Variants in TSPAN13 observed in about 807,000 individuals in gnomAD.
TSPAN13 encodes the protein tetraspanin-13.
TSPAN13 carries 18 observed loss-of-function variants against 26.9 expected under a neutral mutation model. The observed-to-expected ratio is 0.67, with a 90% CI of 0.46 to 0.99. The LOEUF is 0.99. Among genes scored for constraint, TSPAN13 ranks in the 50% least tolerant of loss-of-function variants. The probability of loss-of-function intolerance (pLI) is 0.00; values close to 1 mark genes in which losing one functional copy is unlikely to be tolerated. For synonymous variants in TSPAN13, 116 were observed against 98.4 expected, an observed-to-expected ratio of 1.18 and a Z score of -1.06; for missense variants, 201 against 249.6, an observed-to-expected ratio of 0.81 and a Z score of 1.31.
At chr7:16,775,932 GT>G (rs1784737703) in intron 1 of TSPAN13, 3 of 313,360 alleles carry the variant, frequency 9.6e-6, no homozygotes, top group Non-Finnish European at 1.7e-5. Context: ...TAGGCTCTTA[GT>G]AAACAGATGA....
At chr7:16,777,525 A>G (rs1309078469) in intron 3 of TSPAN13, among the ~76,000 whole-genome samples, 1 of 152,198 alleles carries the variant, frequency 6.6e-6, no homozygotes, top group African/African-American at 2.4e-5. Context: ...TGCCTTGTTA[A>G]CACTCCGAGA....
chr7:16,774,484 G>A (rs1784717185), intron 1 of TSPAN13, among the ~76,000 whole-genome samples: 1 of 152,180 alleles, frequency 6.6e-6, no homozygotes, highest in Non-Finnish European at 1.5e-5. Flanking sequence ...TACAGCTCCT[G>A]AAGGGAAATG....
chr7:16,755,548 T>G (rs998036660), intron 1 of TSPAN13, among the ~76,000 whole-genome samples: 2 of 151,686 alleles, frequency 1.3e-5, no homozygotes, highest in Non-Finnish European at 2.9e-5. Flanking sequence ...AGGGTTTTTT[T>G]TTTTTTTTTT....
chr7:16,776,473 G>A, intron 2 of TSPAN13, 95 bp downstream of exon 2: 1 of 1,176,624 alleles, frequency 8.5e-7, no homozygotes, highest in Non-Finnish European at 1.2e-6. Flanking sequence ...TTGCCAGAAA[G>A]CAACTCCAAG....
chr7:16,774,887 C>T (rs1191787507), intron 1 of TSPAN13, among the ~76,000 whole-genome samples: 1 of 152,156 alleles, frequency 6.6e-6, no homozygotes, highest in East Asian at 1.9e-4. Context: ...TACAAATAGA[C>T]ACTCATGTAG....
intron 5 of TSPAN13, among the ~76,000 whole-genome samples, chr7:16,781,182 C>A (rs1201175097): frequency 6.6e-6 from 1 of 152,052 alleles, no homozygotes. Context: ...TGAGAAACTA[C>A]AAAAAATTAT....
chr7:16,773,949 T>C (rs974862573), intron 1 of TSPAN13, among the ~76,000 whole-genome samples: 1 of 152,214 alleles, frequency 6.6e-6, no homozygotes, highest in Non-Finnish European at 1.5e-5. Context: ...TATGTGAACT[T>C]GGCTAGGCTG....
intron 1 of TSPAN13, among the ~76,000 whole-genome samples, chr7:16,759,108 G>A (rs944298316): frequency 6.6e-6 from 1 of 152,134 alleles, no homozygotes; most frequent in Non-Finnish European, 1.5e-5. Context: ...AAGATAGGTG[G>A]GGCAGTGGAG....
intron 1 of TSPAN13, among the ~76,000 whole-genome samples, chr7:16,772,570 G>C (rs1025855626): frequency 1.3e-5 from 2 of 152,074 alleles, no homozygotes; most frequent in South Asian, 2.1e-4. Context: ...CATTGTGTGT[G>C]TCTCTCTCTA....
chr7:16,764,870 A>T (rs1217898560), intron 1 of TSPAN13, among the ~76,000 whole-genome samples: 1 of 151,996 alleles, frequency 6.6e-6, no homozygotes, highest in Non-Finnish European at 1.5e-5. Context: ...ACAGATTAGG[A>T]TCCCTGGCCA....
intron 4 of TSPAN13, among the ~76,000 whole-genome samples, chr7:16,778,408 C>T (rs1227782865): frequency 6.6e-6 from 1 of 152,176 alleles, no homozygotes; most frequent in Admixed American, 6.5e-5. Context: ...TTTAAATACC[C>T]ATTTATTATC....
intron 1 of TSPAN13, among the ~76,000 whole-genome samples, chr7:16,769,286 G>A (rs706061): frequency 0.057 from 8,725 of 152,224 alleles, 330 homozygotes; most frequent in African/African-American, 0.099. Flanking sequence ...AACAAGGGTG[G>A]CATTCAGGAC....
At chr7:16,755,202 C>T (rs1408185141) in intron 1 of TSPAN13, among the ~76,000 whole-genome samples, 1 of 152,194 alleles carries the variant, frequency 6.6e-6, no homozygotes, top group African/African-American at 2.4e-5. Flanking sequence ...TCTGTGCAAG[C>T]TTAGATTACC....
In TSPAN13 at chr7:16,783,620, T is replaced by A; in HGVS notation, c.*129T>A. On this transcript the variant is annotated 3_prime_UTR_variant, in exon 6 of 6. Transcript: ENST00000262067. ...AAAAGTACCTTATTGATAGTGGAAT[T>A]ATATATTTTTACTCTATGTTTCTCT... 1.2e-6 allele frequency: 1 copy of A among 813,284 alleles called. No individual in the cohort carries two copies. Among genetic ancestry groups the A allele is most frequent in the Non-Finnish European group, 2.0e-6 (1 of 497,970 alleles). 50.4% of individuals were successfully genotyped at this position (813,284 alleles called of 1,614,324 possible). A position where few individuals can be genotyped will look rare whatever the true frequency, so the allele number is the denominator to read the frequency against.
In TSPAN13 at chr7:16,777,821, GAAC is replaced by G; in HGVS notation, c.339_341del (p.Asn114del). Reference sequence around the variant, plus strand: ...AGGGTCAGCTTCTGGAGGTTGGTTGGAACAATACGGCAAGTGCTCGAAATGACA... The same window carrying G: ...AGGGTCAGCTTCTGGAGGTTGGTTGGAATACGGCAAGTGCTCGAAATGACA... On this transcript the variant is annotated inframe_deletion, in exon 4 of 6. Coordinates refer to ENST00000262067, the MANE Select transcript of TSPAN13 (RefSeq NM_014399.4). 6.2e-7 allele frequency: 1 copy of G among 1,613,758 alleles called. No individual in the cohort carries two copies. Among genetic ancestry groups the G allele is most frequent in the Non-Finnish European group, 8.5e-7 (1 of 1,179,804 alleles).
chr7:16,766,490 A>G (rs1399479746), intron 1 of TSPAN13, among the ~76,000 whole-genome samples: 3 of 152,186 alleles, frequency 2.0e-5, no homozygotes, highest in Non-Finnish European at 4.4e-5. Context: ...AAACCATCTG[A>G]GTGTGATGGA....
At chr7:16,757,060 C>G (rs1784488061) in intron 1 of TSPAN13, among the ~76,000 whole-genome samples, 2 of 152,004 alleles carry the variant, frequency 1.3e-5, no homozygotes, top group South Asian at 4.1e-4. Flanking sequence ...AAGGCAAATG[C>G]ATTGTGAAGA....
chr7:16,769,684 A>G (rs1471734476), intron 1 of TSPAN13, among the ~76,000 whole-genome samples: 1 of 151,060 alleles, frequency 6.6e-6, no homozygotes, highest in Non-Finnish European at 1.5e-5. Flanking sequence ...GATTTTTTGG[A>G]TTTCCTTTGT....
intron 1 of TSPAN13, among the ~76,000 whole-genome samples, chr7:16,772,156 G>A (rs1299839921): frequency 1.3e-5 from 2 of 152,102 alleles, no homozygotes; most frequent in Non-Finnish European, 2.9e-5. Flanking sequence ...TTGCCGAAAC[G>A]ATGATGCAGA....
Sources: allele counts gnomAD v4.1 joint callset (sites outside exome capture counted in the v4.1 genomes callset), GRCh38; gene constraint gnomAD v4.1.1; transcripts MANE v1.5; gene names NCBI Gene and HGNC (gene_info 2026-07-23, HGNC 2026-07-21).